Variants in ADAMTS12 observed in about 807,000 individuals in gnomAD.
The protein encoded by ADAMTS12 is ADAM metallopeptidase with thrombospondin type 1 motif 12, also known as A disintegrin and metalloproteinase with thrombospondin motifs 12.
A neutral mutation model predicts 167.8 loss-of-function variants in ADAMTS12; 118 were observed. The ratio of observed to expected loss-of-function variants is 0.70; its 90% CI spans 0.61 to 0.82. ADAMTS12 has a LOEUF of 0.82. ADAMTS12 is among the 40% of genes least tolerant of loss of function. The pLI is 0.00. For missense variants in ADAMTS12, 1,916 were observed against 1,998.8 expected, an observed-to-expected ratio of 0.96 and a Z score of 0.79; for synonymous variants, 704 against 716.9, an observed-to-expected ratio of 0.98 and a Z score of 0.29.
chr5:33,835,935 CTCTCTCTCTCTCTCTCTCTGTG>C (rs1333789806), intron 2 of ADAMTS12, among the ~76,000 whole-genome samples: 3 of 52,660 alleles, frequency 5.7e-5, no homozygotes, highest in South Asian at 9.8e-4. Context: ...CTCTCTCTCT[CTCTCTCTCTCTCTCTCTCTGTG>C]TGTGTGTGTG....
At chr5:33,762,954 G>T (rs1422410190) in intron 2 of ADAMTS12, among the ~76,000 whole-genome samples, 1 of 152,180 alleles carries the variant, frequency 6.6e-6, no homozygotes, top group African/African-American at 2.4e-5. Flanking sequence ...CTGCTCTGAG[G>T]AATGGGAGAA....
intron 23 of ADAMTS12, among the ~76,000 whole-genome samples, chr5:33,528,726 C>G (rs1484017176): frequency 6.6e-6 from 1 of 152,180 alleles, no homozygotes; most frequent in Non-Finnish European, 1.5e-5. Context: ...TTCAGAGTGT[C>G]AAGCCAACAA....
At chr5:33,578,753 T>C (rs549687712) in intron 18 of ADAMTS12, among the ~76,000 whole-genome samples, 1 of 152,318 alleles carries the variant, frequency 6.6e-6, no homozygotes, top group South Asian at 2.1e-4. Flanking sequence ...CATAATCACT[T>C]ACTGATGTAA....
At chr5:33,664,244 C>A (rs922515948) in intron 5 of ADAMTS12, among the ~76,000 whole-genome samples, 3 of 152,006 alleles carry the variant, frequency 2.0e-5, no homozygotes, top group Non-Finnish European at 4.4e-5. Flanking sequence ...TAAAGTGGAA[C>A]GTATCACTTT....
rs70964412 is a variant in ADAMTS12, at chr5:33,686,936, T to TATATAGAG, written c.635-2882_635-2881insCTCTATAT. Among the ~76,000 whole-genome samples, 766 of 145,624 alleles carry TATATAGAG rather than the reference T, an allele frequency of 5.3e-3. 4 individuals are homozygous for TATATAGAG. Among genetic ancestry groups the TATATAGAG allele is most frequent in the African/African-American group, 0.018 (700 of 39,040 alleles). ...TATAGGCACTGAATATATATATATATAGAGAGAGAGAGAGAGAGAGCAAGA... is the reference window on the plus strand; with the variant it reads ...TATAGGCACTGAATATATATATATATATATAGAGAGAGAGAGAGAGAGAGAGAGCAAGA... On this transcript the variant is annotated intron_variant, in intron 3 of 23. Transcript: ENST00000504830.
At chr5:33,570,122 G>T (rs1746246151) in intron 19 of ADAMTS12, among the ~76,000 whole-genome samples, 2 of 152,342 alleles carry the variant, frequency 1.3e-5, no homozygotes, top group East Asian at 1.9e-4. Context: ...GCCTCTGATT[G>T]GTGTACATGA....
intron 5 of ADAMTS12, among the ~76,000 whole-genome samples, chr5:33,675,470 T>C (rs1301890846): frequency 6.6e-6 from 1 of 152,188 alleles, no homozygotes; most frequent in African/African-American, 2.4e-5. Flanking sequence ...ACCTGAGAGA[T>C]AGTCATTGAT....
At chr5:33,706,194 T>G (rs1310132277) in intron 3 of ADAMTS12, among the ~76,000 whole-genome samples, 1 of 152,066 alleles carries the variant, frequency 6.6e-6, no homozygotes, top group East Asian at 1.9e-4. Flanking sequence ...CCTTCCCCCT[T>G]CATCTCATGA....
chr5:33,835,200 A>G (rs1748461793), intron 2 of ADAMTS12, among the ~76,000 whole-genome samples: 1 of 152,172 alleles, frequency 6.6e-6, no homozygotes, highest in African/African-American at 2.4e-5. Flanking sequence ...GCCCCAGTTC[A>G]TAACCTCCCA....
At chr5:33,839,541 G>A (rs58231095) in intron 2 of ADAMTS12, among the ~76,000 whole-genome samples, 2,685 of 152,104 alleles carry the variant, frequency 0.018, 81 homozygotes, top group African/African-American at 0.062. Flanking sequence ...TGAACATATG[G>A]TGGCTCCAAC....
intron 12 of ADAMTS12, among the ~76,000 whole-genome samples, chr5:33,633,353 G>T (rs547004216): frequency 4.1e-5 from 6 of 146,454 alleles, no homozygotes; most frequent in East Asian, 2.0e-4. Context: ...GGCTAGACAG[G>T]TTAACTGAAG....
At chr5:33,596,357 C>T (rs929300939) in intron 16 of ADAMTS12, among the ~76,000 whole-genome samples, 3 of 152,122 alleles carry the variant, frequency 2.0e-5, no homozygotes, top group Admixed American at 2.0e-4. Context: ...CTAACACACA[C>T]ATGCCAGGTG....
intron 5 of ADAMTS12, among the ~76,000 whole-genome samples, chr5:33,669,951 G>T (rs777237985): frequency 2.6e-5 from 4 of 151,926 alleles, no homozygotes; most frequent in Non-Finnish European, 5.9e-5. Context: ...GATAGGCAAA[G>T]AATTTATAGA....
intron 23 of ADAMTS12, among the ~76,000 whole-genome samples, chr5:33,534,160 C>G (rs1488428283): frequency 1.3e-5 from 2 of 152,174 alleles, no homozygotes; most frequent in African/African-American, 2.4e-5. Flanking sequence ...TGGGGTAGCC[C>G]TTGGCCAATG....
At position 33,566,568 on chromosome 5, in the gene ADAMTS12, A is replaced by G. The variant is rs547007411; in HGVS notation, c.3973-5389T>C. On this transcript the variant is annotated intron_variant, in intron 19 of 23. Coordinates refer to ENST00000504830, the MANE Select transcript of ADAMTS12 (RefSeq NM_030955.4). ...ACCCTGATTTTAAGTTCAAATATAT[A>G]TTAGATATATTTTTCCCTCTTCATC... Among the ~76,000 whole-genome samples, 5 of 152,264 alleles carry G rather than the reference A, an allele frequency of 3.3e-5. No homozygotes were observed. In the South Asian group the frequency reaches 1.0e-3, roughly 32 times the overall value.
At chr5:33,739,695 T>C (rs1744499217) in intron 3 of ADAMTS12, among the ~76,000 whole-genome samples, 1 of 152,228 alleles carries the variant, frequency 6.6e-6, no homozygotes, top group Non-Finnish European at 1.5e-5. Context: ...CACTCAGTCA[T>C]GACCCTGAAG....
Position 33,802,315 on chromosome 5 carries a change from T to G in ADAMTS12, c.490-50767A>C, listed in dbSNP as rs564820205. ...AGGGGCTGTGTTGGAAAGTTGTTACTGTGTTGAACTCCAGCTCAAACAACT... is the reference window on the plus strand; with the variant it reads ...AGGGGCTGTGTTGGAAAGTTGTTACGGTGTTGAACTCCAGCTCAAACAACT... On this transcript the variant is annotated intron_variant, in intron 2 of 23. Transcript: ENST00000504830. Among the ~76,000 whole-genome samples the G allele has an allele frequency of 1.9e-4, 29 of 152,354 alleles. 2 individuals carry two copies. In the East Asian group the frequency reaches 3.1e-3, roughly 16 times the overall value.
At chr5:33,801,756 G>A (rs921411821) in intron 2 of ADAMTS12, among the ~76,000 whole-genome samples, 4 of 152,192 alleles carry the variant, frequency 2.6e-5, no homozygotes, top group Non-Finnish European at 4.4e-5. Flanking sequence ...ATCAGACAGC[G>A]AAGCAACAAG....
chr5:33,684,559 C>T (rs766408277), intron 3 of ADAMTS12, among the ~76,000 whole-genome samples: 50 of 152,124 alleles, frequency 3.3e-4, no homozygotes, highest in Admixed American at 5.9e-4. Context: ...TTTCTATGCC[C>T]CAAAATCATG....
Sources: allele counts gnomAD v4.1 joint callset (sites outside exome capture counted in the v4.1 genomes callset), GRCh38; gene constraint gnomAD v4.1.1; transcripts MANE v1.5; gene names NCBI Gene and HGNC (gene_info 2026-07-23, HGNC 2026-07-21).